SCN2A: variants seen among roughly 807,000 people sequenced by gnomAD.
SCN2A encodes sodium channel protein type 2 subunit alpha.
Under a neutral mutation model 188.7 loss-of-function variants are expected in SCN2A, and 20 were observed. That is an observed-to-expected ratio of 0.11 (90% CI 0.07 to 0.15). SCN2A has a LOEUF of 0.15. Ranked by LOEUF, SCN2A falls within the 10% of genes least tolerant of loss-of-function variation. The pLI, the probability that SCN2A is intolerant of heterozygous loss-of-function variation, is 1.00. For synonymous variants in SCN2A, 804 were observed against 833.1 expected, an observed-to-expected ratio of 0.97 and a Z score of 0.60; for missense variants, 1,278 against 2,445.0, an observed-to-expected ratio of 0.52 and a Z score of 10.07.
chr2:165,350,504 G>T (rs142078090), intron 16 of SCN2A, among the ~76,000 whole-genome samples: 3,594 of 99,206 alleles, frequency 0.036, 203 homozygotes, highest in African/African-American at 0.12. Context: ...ACGGAGTCTC[G>T]CTCTGTCGCC....
chr2:165,322,367 G>A (rs1010683683), intron 11 of SCN2A, among the ~76,000 whole-genome samples: 1 of 152,282 alleles, frequency 6.6e-6, no homozygotes, highest in Admixed American at 6.5e-5. Context: ...GTTGAAATTA[G>A]TGTCTCCCAG....
At chr2:165,378,445 A>C (rs1187326054) in intron 23 of SCN2A, among the ~76,000 whole-genome samples, 1 of 151,706 alleles carries the variant, frequency 6.6e-6, no homozygotes, top group African/African-American at 2.4e-5. Context: ...ATTTTTCTGA[A>C]TAGTAATAAT....
intron 10 of SCN2A, among the ~76,000 whole-genome samples, 178 bp downstream of exon 10, chr2:165,314,286 G>A (rs935695917): frequency 2.7e-4 from 41 of 152,110 alleles, no homozygotes; most frequent in African/African-American, 8.9e-4. Context: ...TCTGTCAATA[G>A]TGTCAATAGT....
chr2:165,280,536 C>T (rs1318065132), intron 1 of SCN2A, among the ~76,000 whole-genome samples: 1 of 152,114 alleles, frequency 6.6e-6, no homozygotes, highest in Non-Finnish European at 1.5e-5. Flanking sequence ...CACTTCAGCA[C>T]CAAGTCTGAA....
At chr2:165,323,919 T>C (rs963413468) in intron 12 of SCN2A, among the ~76,000 whole-genome samples, 1 of 152,246 alleles carries the variant, frequency 6.6e-6, no homozygotes, top group African/African-American at 2.4e-5. Context: ...GTAGATACTA[T>C]TACTAAATAG....
chr2:165,344,171 G>T (rs1699447688), intron 15 of SCN2A, among the ~76,000 whole-genome samples: 1 of 151,964 alleles, frequency 6.6e-6, no homozygotes, highest in African/African-American at 2.4e-5. Context: ...TGAAAATTTG[G>T]TGTATCTTAT....
At chr2:165,315,342 A>T in intron 10 of SCN2A, 129 bp from the exon 11 acceptor site, 1 of 1,447,680 alleles carries the variant, frequency 6.9e-7, no homozygotes, top group Non-Finnish European at 9.3e-7. Context: ...ACTGTTTTCT[A>T]AAACACAGAA....
intron 11 of SCN2A, among the ~76,000 whole-genome samples, chr2:165,317,057 C>A (rs1177400359): frequency 6.6e-6 from 1 of 152,076 alleles, no homozygotes; most frequent in Non-Finnish European, 1.5e-5. Context: ...ATTATACTTT[C>A]TCTTTTACCT....
chr2:165,315,380 A>T, intron 10 of SCN2A, 91 bp from the exon 11 acceptor site: 1 of 1,575,494 alleles, frequency 6.3e-7, no homozygotes, highest in Admixed American at 1.8e-5. Flanking sequence ...TTTCAAGATT[A>T]TCTTCATGAT....
At position 165,291,528 on chromosome 2, in the gene SCN2A, C is replaced by CTTTCTTTCTTTCTTT. The variant is rs1559340566; in HGVS notation, c.-51-4245_-51-4244insTTTCTTTCTTTCTTT. ...CTTTCTTTCTTCCTCTCCTTTCTTT[C>CTTTCTTTCTTTCTTT]CTTCCTTCCTTCCTTCCTTCCTTCC... On this transcript the variant is annotated intron_variant, in intron 1 of 26. Transcript: ENST00000375437. 3.6e-4 allele frequency among the ~76,000 whole-genome samples: 10 copies of CTTTCTTTCTTTCTTT among 27,788 alleles called. No homozygotes were observed. In the East Asian group the frequency reaches 9.2e-3, roughly 26 times the overall value. The allele number at this position is 27,788 out of a possible 152,430, so 18.2% of individuals were successfully genotyped here.
intron 1 of SCN2A, chr2:165,267,928 A>G (rs1694944915): frequency 6.6e-6 from 1 of 152,020 alleles, no homozygotes; most frequent in Admixed American, 6.6e-5. Flanking sequence ...AAAAATGGCT[A>G]CTATCAAAAG....
chr2:165,264,238 CA>C (rs1297867196), intron 1 of SCN2A, among the ~76,000 whole-genome samples: 3 of 152,030 alleles, frequency 2.0e-5, no homozygotes, highest in Non-Finnish European at 1.5e-5. Context: ...CACAGCATAT[CA>C]AAAAGATAAT....
intron 16 of SCN2A, among the ~76,000 whole-genome samples, chr2:165,352,673 T>A (rs1699987848): frequency 1.3e-5 from 2 of 152,130 alleles, no homozygotes; most frequent in Admixed American, 1.3e-4. Flanking sequence ...TAAACCACAG[T>A]CAAAATGTTG....
In SCN2A at chr2:165,314,073, C is replaced by G. The variant is rs1166086031; in HGVS notation, c.1348C>G (p.Leu450Val). 1 of 1,613,576 alleles carries G rather than the reference C, an allele frequency of 6.2e-7. No homozygotes were observed. Among genetic ancestry groups the G allele is most frequent in the Non-Finnish European group, 8.5e-7 (1 of 1,179,690 alleles). Residue 450 changes from leucine (L) to valine (V), a missense_variant, in exon 10 of 27, where the codon CTC becomes GTC. By Grantham distance (32) the Leu-to-Val change is conservative. Transcript: ENST00000375437. ...EQKEAEFQQM[L>V]EQLKKQQEEA... ...GAAGGAAGCTGAATTTCAGCAGATG[C>G]TCGAACAGTTGAAAAAGCAACAAGA... is the stretch of plus-strand genomic sequence containing the variant.
chr2:165,387,453 T>TTA (rs1183571434), intron 26 of SCN2A, among the ~76,000 whole-genome samples: 5 of 152,122 alleles, frequency 3.3e-5, no homozygotes, highest in Non-Finnish European at 7.4e-5. Context: ...ATATGTGCAG[T>TTA]TATATATATA....
At chr2:165,302,149 A>G (rs1050482148) in intron 3 of SCN2A, among the ~76,000 whole-genome samples, 4 of 152,222 alleles carry the variant, frequency 2.6e-5, no homozygotes, top group Admixed American at 2.0e-4. Flanking sequence ...ATGAAAAGAA[A>G]TATACAGGTT....
intron 14 of SCN2A, among the ~76,000 whole-genome samples, chr2:165,341,054 A>G (rs1045163993): frequency 2.0e-5 from 3 of 152,006 alleles, no homozygotes; most frequent in Non-Finnish European, 4.4e-5. Flanking sequence ...GAGTGCAAGG[A>G]GAGTTTCTCT....
chr2:165,246,926 C>G (rs894778615), intron 1 of SCN2A, among the ~76,000 whole-genome samples: 7 of 152,134 alleles, frequency 4.6e-5, no homozygotes, highest in African/African-American at 1.7e-4. Context: ...TACCTCCTAC[C>G]TTGACCTCAC....
chr2:165,269,665 A>G (rs1216078787), intron 1 of SCN2A: 1 of 152,072 alleles, frequency 6.6e-6, no homozygotes, highest in African/African-American at 2.4e-5. Flanking sequence ...ATTATTAGAC[A>G]GATAAAATTG....
Sources: gnomAD v4.1 joint callset for allele counts (sites outside exome capture counted in the v4.1 genomes callset) on GRCh38, gnomAD v4.1.1 for gene constraint, MANE v1.5 for transcripts, NCBI Gene and HGNC (gene_info 2026-07-23, HGNC 2026-07-21) for gene names.